Variants in SNX10 observed in about 807,000 individuals in gnomAD.
The protein encoded by SNX10 is sorting nexin 10, also known as sorting nexin-10.
Under a neutral mutation model 28.5 loss-of-function variants are expected in SNX10, and 25 were observed. The observed-to-expected ratio is 0.88, with a 90% CI of 0.64 to 1.22. The LOEUF is 1.22. Ranked by LOEUF, SNX10 falls within the 50% of genes most tolerant of loss-of-function variation. The pLI is 0.00. For synonymous variants in SNX10, 62 were observed against 81.4 expected (o/e 0.76, Z 1.28); for missense variants, 223 against 242.6 (o/e 0.92, Z 0.54).
At chr7:26,358,515 G>T (rs966034730) in intron 2 of SNX10, among the ~76,000 whole-genome samples, 12 of 152,256 alleles carry the variant, frequency 7.9e-5, no homozygotes, top group African/African-American at 2.9e-4. Flanking sequence ...TGAGGCAGGG[G>T]TGTTGCTTGA....
At chr7:26,351,681 G>T (rs1197554727) in intron 2 of SNX10, among the ~76,000 whole-genome samples, 2 of 119,628 alleles carry the variant, frequency 1.7e-5, no homozygotes, top group Admixed American at 2.0e-4. Flanking sequence ...TTTTGAGACC[G>T]AGTCTCTCTC....
chr7:26,374,201 A>G lies in SNX10; in HGVS notation c.*1629A>G, dbSNP rs924603514. The G allele has an allele frequency of 6.6e-6, 1 of 152,070 alleles. No homozygotes were observed. The highest frequency in any genetic ancestry group is 2.4e-5 in the African/African-American group (1 of 41,448). The allele number at this position is 152,070 out of a possible 1,614,324, so 9.4% of individuals were successfully genotyped here. ...ACAGCAGTTTTGAAAAACACATACT[A>G]TGCCACCAATTGTCATATTATTTTT... On this transcript the variant is annotated 3_prime_UTR_variant, in exon 7 of 7. Coordinates refer to ENST00000338523, the MANE Select transcript of SNX10 (RefSeq NM_013322.3).
intron 1 of SNX10, among the ~76,000 whole-genome samples, chr7:26,293,645 G>T (rs1426563791): frequency 6.6e-6 from 1 of 152,170 alleles, no homozygotes; most frequent in Non-Finnish European, 1.5e-5. Context: ...GGACTCAACT[G>T]GTCGTCCTGT....
intron 1 of SNX10, among the ~76,000 whole-genome samples, chr7:26,338,681 G>A (rs1471035308): frequency 6.6e-6 from 1 of 152,204 alleles, no homozygotes; most frequent in Non-Finnish European, 1.5e-5. Context: ...TGGGATTACA[G>A]GTGTGAGCCA....
intron 6 of SNX10, 154 bp downstream of exon 6, chr7:26,372,187 G>A (rs1789580501): frequency 4.8e-6 from 3 of 621,566 alleles, no homozygotes; most frequent in Non-Finnish European, 5.6e-6. Flanking sequence ...TTATTGAGCT[G>A]TGACAGCTCA....
intron 1 of SNX10, among the ~76,000 whole-genome samples, chr7:26,340,514 G>GT: frequency 6.6e-6 from 1 of 152,320 alleles, no homozygotes; most frequent in Middle Eastern, 3.4e-3. Flanking sequence ...TATAGAAAAA[G>GT]TATTCCAAGG....
At chr7:26,336,792 AGTCT>A (rs1208390579) in intron 1 of SNX10, among the ~76,000 whole-genome samples, 34 of 152,342 alleles carry the variant, frequency 2.2e-4, no homozygotes, top group African/African-American at 7.5e-4. Flanking sequence ...GCTATGAGGT[AGTCT>A]GTCATGCAGA....
At chr7:26,344,519 G>T (rs114132869) in intron 1 of SNX10, among the ~76,000 whole-genome samples, 2 of 152,134 alleles carry the variant, frequency 1.3e-5, no homozygotes, top group South Asian at 2.1e-4. Context: ...GAATCATACG[G>T]TGTCTGTCTT....
At position 26,327,387 on chromosome 7, in the gene SNX10, A is replaced by T. The variant is rs147937624; in HGVS notation, c.-23-19033A>T. The stretch of plus-strand genomic sequence containing the variant: ...GTTGGATGACAGGGGACAGTTATTC[A>T]ACTTCTTTGAACGTTAGTGTCTTCA... On this transcript the variant is annotated intron_variant, in intron 1 of 6. Transcript: ENST00000338523. 2.2e-3 allele frequency among the ~76,000 whole-genome samples: 328 copies of T among 152,290 alleles called. 1 individual carries two copies. Among genetic ancestry groups the T allele is most frequent in the African/African-American group, 7.6e-3 (315 of 41,560 alleles).
At chr7:26,309,435 T>C (rs1786733915) in intron 1 of SNX10, among the ~76,000 whole-genome samples, 1 of 152,006 alleles carries the variant, frequency 6.6e-6, no homozygotes, top group African/African-American at 2.4e-5. Context: ...TTCTCAGTGA[T>C]TATGTACTGG....
chr7:26,366,304 T>C, intron 5 of SNX10, among the ~76,000 whole-genome samples: 1 of 152,200 alleles, frequency 6.6e-6, no homozygotes, highest in East Asian at 1.9e-4. Context: ...ATATTAATAT[T>C]TATTTCTATT....
chr7:26,312,629 C>A (rs939925165), intron 1 of SNX10, among the ~76,000 whole-genome samples: 9 of 152,154 alleles, frequency 5.9e-5, no homozygotes, highest in Admixed American at 2.0e-4. Context: ...ACTAAAAATA[C>A]AAAAATTAGC....
chr7:26,300,021 GC>G (rs1562781448), intron 1 of SNX10, among the ~76,000 whole-genome samples: 1 of 151,988 alleles, frequency 6.6e-6, no homozygotes, highest in African/African-American at 2.4e-5. Context: ...GACCAGGCTG[GC>G]CAGCATGGTG....
intron 1 of SNX10, among the ~76,000 whole-genome samples, chr7:26,299,228 C>T (rs1786226992): frequency 6.6e-6 from 1 of 152,002 alleles, no homozygotes; most frequent in African/African-American, 2.4e-5. Flanking sequence ...TGGAGTCTCG[C>T]TCTGTTGCCC....
At chr7:26,357,017 A>T in intron 2 of SNX10, 1 of 1,147,700 alleles carries the variant, frequency 8.7e-7, no homozygotes, top group Non-Finnish European at 1.1e-6. Context: ...GCATTTATTT[A>T]TTCATTAAAT....
intron 1 of SNX10, among the ~76,000 whole-genome samples, chr7:26,318,410 C>A (rs1201256106): frequency 1.3e-5 from 2 of 151,990 alleles, no homozygotes; most frequent in African/African-American, 2.4e-5. Flanking sequence ...TTCCATTGTT[C>A]TTATATTTTG....
In SNX10 at chr7:26,372,559, C is replaced by A. The variant is rs149177634; in HGVS notation, c.593C>A (p.Pro198Gln). Residue 198 changes from proline to glutamine, a missense_variant, in exon 7 of 7, where the codon CCG (proline) becomes CAG (glutamine). Transcript: ENST00000338523. ...SSHGCKVNTA[P>Q]QES is the part of the protein sequence containing the mutation. The stretch of plus-strand genomic sequence containing the variant: ...CATGGATGTAAAGTAAATACAGCTC[C>A]GCAGGAATCCTGAAAAATAATTCTA... 2 of 1,591,680 alleles carry A rather than the reference C, an allele frequency of 1.3e-6. No homozygotes were observed. The highest frequency in any genetic ancestry group is 2.7e-5 in the African/African-American group (2 of 74,372).
Position 26,351,646 on chromosome 7 carries a change from G to GTTTTTTTT in SNX10, c.24+5185_24+5192dup, listed in dbSNP as rs982361856. ...AAAACTAAAGCAATCAAGCAGTCTG[G>GTTTTTTTT]TTTTTTTTTTTTGTTTTTTTTTTTT... On this transcript the variant is annotated intron_variant, in intron 2 of 6. Coordinates refer to ENST00000338523, the MANE Select transcript of SNX10 (RefSeq NM_013322.3). 3.1e-4 allele frequency among the ~76,000 whole-genome samples: 35 copies of GTTTTTTTT among 112,622 alleles called. 2 individuals are homozygous for GTTTTTTTT. The highest frequency in any genetic ancestry group is 9.1e-4 in the African/African-American group (28 of 30,816). 73.9% of individuals were successfully genotyped at this position (112,622 alleles called of 152,430 possible). A position where few individuals can be genotyped will look rare whatever the true frequency, so the allele number is the denominator to read the frequency against.
At chr7:26,306,167 G>A (rs1236164805) in intron 1 of SNX10, among the ~76,000 whole-genome samples, 4 of 151,878 alleles carry the variant, frequency 2.6e-5, no homozygotes, top group African/African-American at 7.3e-5. Flanking sequence ...GCCTCCCAAA[G>A]TGCTGGGATT....
Sources: allele counts gnomAD v4.1 joint callset (sites outside exome capture counted in the v4.1 genomes callset), GRCh38; gene constraint gnomAD v4.1.1; transcripts MANE v1.5; gene names NCBI Gene and HGNC (gene_info 2026-07-23, HGNC 2026-07-21).